C19orf53: variants seen among roughly 807,000 people sequenced by gnomAD.
C19orf53 encodes chromosome 19 open reading frame 53.
C19orf53 carries 9 observed loss-of-function variants against 6.5 expected under a neutral mutation model. The observed-to-expected ratio is 1.38, with a 90% CI of 0.83 to 2.40. The LOEUF (loss-of-function observed/expected upper bound fraction) is 2.40. C19orf53 is among the 30% of genes most tolerant of loss of function. C19orf53 has a pLI of 0.00. For synonymous variants in C19orf53, 68 were observed against 52.5 expected, an observed-to-expected ratio of 1.29 and a Z score of -1.27; for missense variants, 166 against 129.7, an observed-to-expected ratio of 1.28 and a Z score of -1.36.
Position 13,778,189 on chromosome 19 carries a change from A to C in C19orf53, c.291A>C (p.Thr97=), listed in dbSNP as rs1294087552. Residue 97 remains threonine, a synonymous_variant, in exon 3 of 3, where the codon ACA becomes ACC. Coordinates refer to ENST00000588234, the MANE Select transcript of C19orf53 (RefSeq NM_014047.3). ...CAGCTGCCGCCACCTCCTCCAAGAC[A>C]CCTTCCTGAGGACGCTGGCCCCAGT... ...KGAAAATSSK[T]PS The C allele has an allele frequency of 6.2e-7, 1 of 1,602,224 alleles. No homozygotes were observed. The highest frequency in any genetic ancestry group is 8.5e-7 in the Non-Finnish European group (1 of 1,172,696).
In C19orf53 at chr19:13,774,552, G is replaced by T. The variant is rs996861900; in HGVS notation, c.75G>T (p.Lys25Asn). The T allele has an allele frequency of 1.9e-6, 3 of 1,614,048 alleles. No individual in the cohort carries two copies. The highest frequency in any genetic ancestry group is 8.5e-7 in the Non-Finnish European group (1 of 1,179,914). Residue 25 changes from lysine (K) to asparagine (N), a missense_variant, in exon 1 of 3, where the codon AAG becomes AAT. Transcript: ENST00000588234. ...KSKTAAAASE[K>N]NRGPRKGGRV... ...AGACGGCAGCGGCAGCCTCTGAAAA[G>T]AATCGGGGCCCAAGAAAAGGCGGTA...
At position 13,776,945 on chromosome 19, in the gene C19orf53, G is replaced by GTTTTTGT. The variant is rs57467060; in HGVS notation, c.154-1095_154-1089dup. Among the ~76,000 whole-genome samples, 48 of 151,730 alleles carry GTTTTTGT rather than the reference G, an allele frequency of 3.2e-4. 1 individual carries two copies. The East Asian group carries it at 7.6e-3, about 24-fold the overall frequency. ...GCTGGTGATCGTGGTCATTGGAACT[G>GTTTTTGT]TTTTTGTTTTTTGTTTTTGTTTTGA... On this transcript the variant is annotated intron_variant, in intron 2 of 2. Coordinates refer to ENST00000588234, the MANE Select transcript of C19orf53 (RefSeq NM_014047.3).
chr19:13,778,622 G>C lies in C19orf53; in HGVS notation c.*424G>C, dbSNP rs1329835702. 6.6e-6 allele frequency among the ~76,000 whole-genome samples: 1 copy of C among 152,126 alleles called. No individual in the cohort carries two copies. The highest frequency in any genetic ancestry group is 1.5e-5 in the Non-Finnish European group (1 of 68,024). On this transcript the variant is annotated 3_prime_UTR_variant, in exon 3 of 3. Coordinates refer to ENST00000588234, the MANE Select transcript of C19orf53 (RefSeq NM_014047.3). ...CCTCTGGCCCTGAGCCTGAGAGCCG[G>C]GAAAGAGTCTTTTCTCCATTTAACC...
Position 13,778,262 on chromosome 19 carries a change from A to C in C19orf53, c.*64A>C. 2 of 1,487,176 alleles carry C rather than the reference A, an allele frequency of 1.3e-6. No individual in the cohort carries two copies. The highest frequency in any genetic ancestry group is 1.8e-6 in the Non-Finnish European group (2 of 1,114,624). The allele number at this position is 1,487,176 out of a possible 1,614,324, so 92.1% of individuals were successfully genotyped here. A position where few individuals can be genotyped will look rare whatever the true frequency, so the allele number is the denominator to read the frequency against. On this transcript the variant is annotated 3_prime_UTR_variant, in exon 3 of 3. Coordinates refer to ENST00000588234, the MANE Select transcript of C19orf53 (RefSeq NM_014047.3). ...ACCTCCATATGGGACCTTGCAAGTC[A>C]TCCCACAGGCTGCACTGTCAGGAAG...
chr19:13,778,188 C>G lies in C19orf53; in HGVS notation c.290C>G (p.Thr97Arg), dbSNP rs747977654. Residue 97 changes from threonine to arginine, a missense_variant, in exon 3 of 3, where the codon ACA becomes AGA. Physicochemically the swap from Thr to Arg is moderately conservative, Grantham distance 71. Transcript: ENST00000588234. ...KGAAAATSSK[T>R]PS ...GCAGCTGCCGCCACCTCCTCCAAGA[C>G]ACCTTCCTGAGGACGCTGGCCCCAG... 22 of 1,604,368 alleles carry G rather than the reference C, an allele frequency of 1.4e-5. No individual in the cohort carries two copies. In the South Asian group the frequency reaches 2.2e-4, roughly 16 times the overall value.
chr19:13,776,224 C>T (rs1362973857), intron 2 of C19orf53, among the ~76,000 whole-genome samples: 3 of 150,512 alleles, frequency 2.0e-5, no homozygotes, highest in East Asian at 2.0e-4. Flanking sequence ...ATGATCTACC[C>T]GCCTCGGCCT....
At chr19:13,776,199 C>T (rs1186289146) in intron 2 of C19orf53, among the ~76,000 whole-genome samples, 3 of 140,118 alleles carry the variant, frequency 2.1e-5, no homozygotes, top group Non-Finnish European at 3.0e-5. Context: ...AGGCTGGTCT[C>T]GAACTCCTGA....
At chr19:13,776,124 A>ATTTTTTTTTTTTTTTTTTTT (rs57201742) in intron 2 of C19orf53, among the ~76,000 whole-genome samples, 2 of 84,920 alleles carry the variant, frequency 2.4e-5, no homozygotes, top group Non-Finnish European at 2.2e-5. Flanking sequence ...CACCGGGCTA[A>ATTTTTTTTTTTTTTTTTTTT]TTTTTTTTTT....
At chr19:13,775,953 A>ATTTGT (rs972252289) in intron 2 of C19orf53, among the ~76,000 whole-genome samples, 3 of 150,656 alleles carry the variant, frequency 2.0e-5, no homozygotes, top group Non-Finnish European at 3.0e-5. Flanking sequence ...GTCTCATCCC[A>ATTTGT]TTTGTTTTGT....
At chr19:13,777,921 A>G (rs1599563785) in intron 2 of C19orf53, 131 bp from the exon 3 acceptor site, 2 of 1,165,000 alleles carry the variant, frequency 1.7e-6, no homozygotes, top group East Asian at 5.0e-5. Flanking sequence ...CACCAGACCC[A>G]CAGTCAGGTG....
At chr19:13,777,963 C>G (rs1319199667) in intron 2 of C19orf53, 89 bp from the exon 3 acceptor site, 8 of 1,496,328 alleles carry the variant, frequency 5.3e-6, no homozygotes, top group African/African-American at 4.2e-5. Context: ...GATCTAGCCC[C>G]CTGCGAGCTC....
At chr19:13,776,843 C>T (rs890532869) in intron 2 of C19orf53, among the ~76,000 whole-genome samples, 3 of 152,258 alleles carry the variant, frequency 2.0e-5, no homozygotes, top group African/African-American at 7.2e-5. Flanking sequence ...GCTACTGATG[C>T]TTATATTGTC....
Position 13,778,713 on chromosome 19 carries a change from A to C in C19orf53, c.*515A>C, listed in dbSNP as rs368325308. 1.1e-4 allele frequency among the ~76,000 whole-genome samples: 16 copies of C among 152,324 alleles called. No individual in the cohort carries two copies. The East Asian group carries it at 2.5e-3, about 24-fold the overall frequency. On this transcript the variant is annotated 3_prime_UTR_variant, in exon 3 of 3. Coordinates refer to ENST00000588234, the MANE Select transcript of C19orf53 (RefSeq NM_014047.3). ...CACAACCAGAGTCAAGCTGGACATC[A>C]GTAGGTCAGATGCCACCTCACAGGA... is the stretch of plus-strand genomic sequence containing the variant.
At chr19:13,777,077 G>C (rs937615567) in intron 2 of C19orf53, among the ~76,000 whole-genome samples, 1 of 151,740 alleles carries the variant, frequency 6.6e-6, no homozygotes, top group Non-Finnish European at 1.5e-5. Flanking sequence ...TCAGCCTCTC[G>C]AGTAGCTGGG....
intron 2 of C19orf53, among the ~76,000 whole-genome samples, chr19:13,777,007 A>T (rs1974378268): frequency 6.6e-6 from 1 of 152,094 alleles, no homozygotes; most frequent in Non-Finnish European, 1.5e-5. Flanking sequence ...GCTGGAGTGC[A>T]GTGGTGCGGT....
At chr19:13,776,832 C>T (rs908856012) in intron 2 of C19orf53, among the ~76,000 whole-genome samples, 5 of 152,234 alleles carry the variant, frequency 3.3e-5, no homozygotes, top group Admixed American at 1.3e-4. Context: ...TAACATATTA[C>T]GCTACTGATG....
In C19orf53 at chr19:13,778,712, C is replaced by G. The variant is rs564045781; in HGVS notation, c.*514C>G. Among the ~76,000 whole-genome samples, 21 of 152,342 alleles carry G rather than the reference C, an allele frequency of 1.4e-4. No individual in the cohort carries two copies. The highest frequency in any genetic ancestry group is 4.8e-4 in the African/African-American group (20 of 41,584). Reference sequence around the variant, plus strand: ...ACACAACCAGAGTCAAGCTGGACATCAGTAGGTCAGATGCCACCTCACAGG... The same window carrying G: ...ACACAACCAGAGTCAAGCTGGACATGAGTAGGTCAGATGCCACCTCACAGG... On this transcript the variant is annotated 3_prime_UTR_variant, in exon 3 of 3. Transcript: ENST00000588234.
Position 13,774,718 on chromosome 19 carries a change from G to T in C19orf53, c.153+11G>T. 6.3e-7 allele frequency: 1 copy of T among 1,595,372 alleles called. No homozygotes were observed. Among genetic ancestry groups the T allele is most frequent in the Non-Finnish European group, 8.6e-7 (1 of 1,167,342 alleles). On this transcript the variant is annotated intron_variant, in intron 2 of 2. Transcript: ENST00000588234. ...CAAAAGCTCAAGAAGGTGTGCGGGG[G>T]CGAGAGATGGAGCCCGGAGGGCGGC...
chr19:13,778,093 G>C lies in C19orf53; in HGVS notation c.195G>C (p.Val65=), dbSNP rs1160327287. The C allele has an allele frequency of 6.2e-7, 1 of 1,613,286 alleles. No individual in the cohort carries two copies. The highest frequency in any genetic ancestry group is 8.5e-7 in the Non-Finnish European group (1 of 1,179,556). Residue 65 remains valine, a synonymous_variant, in exon 3 of 3, where the codon GTG becomes GTC. Coordinates refer to ENST00000588234, the MANE Select transcript of C19orf53 (RefSeq NM_014047.3). ...TCCGGAAGAAGATCGAACATGACGT[G>C]GTGATGAAAGCCAGCAGCAGCCTGC... The part of the protein sequence containing the change: ...VGIRKKIEHD[V]VMKASSSLPK...
Sources: allele counts gnomAD v4.1 joint callset (sites outside exome capture counted in the v4.1 genomes callset), GRCh38; gene constraint gnomAD v4.1.1; transcripts MANE v1.5; gene names NCBI Gene and HGNC (gene_info 2026-07-23, HGNC 2026-07-21).